TTC7B: variants seen among roughly 807,000 people sequenced by gnomAD.
TTC7B encodes tetratricopeptide repeat domain 7B, also known as tetratricopeptide repeat protein 7B.
In TTC7B, 28 loss-of-function variants were observed where a neutral mutation model predicts 106.8. That is an observed-to-expected ratio of 0.26 (90% CI 0.19 to 0.36). The LOEUF (loss-of-function observed/expected upper bound fraction) is 0.36, where lower values mean the gene tolerates loss of function less well. Among genes scored for constraint, TTC7B ranks in the 10% least tolerant of loss-of-function variants. TTC7B has a pLI of 1.00. For synonymous variants in TTC7B, 405 were observed against 430.6 expected (o/e 0.94, Z 0.74); for missense variants, 862 against 1,076.4 (o/e 0.80, Z 2.79).
intron 3 of TTC7B, chr14:90,766,851 C>T: frequency 6.3e-7 from 1 of 1,596,644 alleles, no homozygotes; most frequent in Non-Finnish European, 8.6e-7. Flanking sequence ...ACAACAAGCT[C>T]CATGAAGACC....
chr14:90,632,601 A>G (rs1355252362), intron 15 of TTC7B, among the ~76,000 whole-genome samples: 3 of 152,256 alleles, frequency 2.0e-5, no homozygotes, highest in Admixed American at 2.0e-4. Flanking sequence ...TGACTTGTTC[A>G]CAGCAGTAAT....
intron 17 of TTC7B, among the ~76,000 whole-genome samples, chr14:90,602,544 T>A (rs1333753232): frequency 6.6e-6 from 1 of 152,030 alleles, no homozygotes; most frequent in African/African-American, 2.4e-5. Context: ...CTGCCAAAAA[T>A]TAAAAAATTA....
chr14:90,724,778 G>A (rs540666978), intron 5 of TTC7B, among the ~76,000 whole-genome samples: 1 of 152,314 alleles, frequency 6.6e-6, no homozygotes, highest in South Asian at 2.1e-4. Context: ...ATAGCAATGA[G>A]AGAACGGGCT....
chr14:90,768,574 A>G (rs1458787135), intron 3 of TTC7B, among the ~76,000 whole-genome samples: 1 of 152,218 alleles, frequency 6.6e-6, no homozygotes, highest in Non-Finnish European at 1.5e-5. Flanking sequence ...AGAGCAAACC[A>G]TATCAACCAA....
intron 5 of TTC7B, among the ~76,000 whole-genome samples, chr14:90,718,594 C>T (rs7154098): frequency 1.3e-5 from 2 of 151,886 alleles, no homozygotes; most frequent in Admixed American, 6.5e-5. Context: ...GAATAGGAGC[C>T]GTAAGTTCCA....
At chr14:90,693,196 T>C (rs1169637424) in intron 6 of TTC7B, among the ~76,000 whole-genome samples, 3 of 152,164 alleles carry the variant, frequency 2.0e-5, no homozygotes, top group East Asian at 1.9e-4. Flanking sequence ...AACTGTGACA[T>C]GTGGCATTTG....
At chr14:90,542,722 G>A (rs1889658013) in intron 19 of TTC7B, among the ~76,000 whole-genome samples, 1 of 58,574 alleles carries the variant, frequency 1.7e-5, no homozygotes, top group Non-Finnish European at 3.1e-5. Flanking sequence ...AGACAAAAAG[G>A]AACAACTTGG....
intron 19 of TTC7B, among the ~76,000 whole-genome samples, chr14:90,554,476 T>G (rs7143173): frequency 6.6e-6 from 1 of 152,220 alleles, no homozygotes; most frequent in Non-Finnish European, 1.5e-5. Flanking sequence ...CCATTTCTAG[T>G]TCTTTCCTCC....
chr14:90,661,166 C>T (rs12895678), intron 9 of TTC7B, among the ~76,000 whole-genome samples: 19,033 of 152,336 alleles, frequency 0.12, 1,443 homozygotes, highest in Middle Eastern at 0.21. Context: ...CAGCCTCTCA[C>T]AGGCTTCTTG....
chr14:90,718,592 G>A (rs896263161), intron 5 of TTC7B, among the ~76,000 whole-genome samples: 1 of 152,112 alleles, frequency 6.6e-6, no homozygotes, highest in African/African-American at 2.4e-5. Context: ...AAGAATAGGA[G>A]CCGTAAGTTC....
chr14:90,722,647 T>C (rs181435281), intron 5 of TTC7B, among the ~76,000 whole-genome samples: 2 of 152,340 alleles, frequency 1.3e-5, no homozygotes, highest in Non-Finnish European at 2.9e-5. Flanking sequence ...GCTCCTCAAC[T>C]TCCCCTGTCC....
At chr14:90,728,855 A>T (rs958635846) in intron 5 of TTC7B, among the ~76,000 whole-genome samples, 1 of 152,262 alleles carries the variant, frequency 6.6e-6, no homozygotes, top group African/African-American at 2.4e-5. Context: ...GATGACCACC[A>T]TTTATCGTGA....
rs117770493 is a variant in TTC7B, at chr14:90,759,864, A to C, written c.446-14942T>G. 0.017 allele frequency among the ~76,000 whole-genome samples: 2,636 copies of C among 152,278 alleles called. 35 individuals are homozygous for C. The highest frequency in any genetic ancestry group is 0.037 in the Middle Eastern group (11 of 294). On this transcript the variant is annotated intron_variant, in intron 3 of 19. Transcript: ENST00000328459. This position sits in a 1 kb window ranked among gnomAD's most constrained non-coding sequence, Gnocchi z 4.1. ...GTTAAAGAATGGCCCCGTCACAGGC[A>C]CCCCTGTGCAGCAGGCACTGTTGTC...
At chr14:90,560,132 T>G (rs1890509540) in intron 19 of TTC7B, among the ~76,000 whole-genome samples, 1 of 152,258 alleles carries the variant, frequency 6.6e-6, no homozygotes, top group African/African-American at 2.4e-5. Context: ...CCGTCTCCTG[T>G]GCCTGCCTTT....
chr14:90,745,374 G>A (rs995815677), intron 3 of TTC7B, among the ~76,000 whole-genome samples: 1 of 151,926 alleles, frequency 6.6e-6, no homozygotes, highest in Non-Finnish European at 1.5e-5. Flanking sequence ...CTGATATTAG[G>A]GAGAAAGCAT....
intron 2 of TTC7B, among the ~76,000 whole-genome samples, chr14:90,785,012 C>G (rs1166834309): frequency 6.6e-6 from 1 of 152,116 alleles, no homozygotes; most frequent in African/African-American, 2.4e-5. Context: ...AGGAGGTGGC[C>G]AGATGACCAA....
intron 18 of TTC7B, among the ~76,000 whole-genome samples, chr14:90,592,316 G>C (rs183400887): frequency 1.8e-4 from 28 of 152,350 alleles, no homozygotes; most frequent in Admixed American, 1.8e-3. Context: ...GATGAAACCT[G>C]AGGAGGGGAA....
Position 90,578,184 on chromosome 14 carries a change from T to C in TTC7B, c.2232A>G (p.Gly744=), listed in dbSNP as rs1891340427. 2.5e-6 allele frequency: 4 copies of C among 1,613,916 alleles called. No individual in the cohort carries two copies. The highest frequency in any genetic ancestry group is 1.7e-6 in the Non-Finnish European group (2 of 1,180,018). ...ACCACCGCCGCGCCTCGTCCATGCT[T>C]CCCCGGAGCTCAGCAATCTGGCCGC... ...YMRGQIAELR[G]SMDEARRWYE... Residue 744 remains glycine, a synonymous_variant, in exon 19 of 20, where the codon GGA becomes GGG. Transcript: ENST00000328459. This position sits in a 1 kb window ranked among gnomAD's most constrained non-coding sequence, Gnocchi z 4.7.
At chr14:90,662,142 G>T (rs1040724435) in intron 9 of TTC7B, among the ~76,000 whole-genome samples, 7 of 152,340 alleles carry the variant, frequency 4.6e-5, no homozygotes, top group African/African-American at 1.7e-4. Context: ...TGGCAGGGGG[G>T]ACGAGCAGGC....
Sources: allele counts gnomAD v4.1 joint callset (sites outside exome capture counted in the v4.1 genomes callset), GRCh38; gene constraint gnomAD v4.1.1; non-coding constraint Gnocchi (gnomAD v3.1); transcripts MANE v1.5; gene names NCBI Gene and HGNC (gene_info 2026-07-23, HGNC 2026-07-21).